IL1RAPL2: variants seen among roughly 807,000 people sequenced by gnomAD.
IL1RAPL2 encodes interleukin 1 receptor accessory protein like 2.
Under a neutral mutation model 44.1 loss-of-function variants are expected in IL1RAPL2, and 3 were observed. That is an observed-to-expected ratio of 0.07 (90% confidence interval 0.03 to 0.18). The LOEUF is 0.18. Among genes scored for constraint, IL1RAPL2 ranks in the 10% least tolerant of loss-of-function variants. IL1RAPL2 has a pLI of 1.00. For synonymous variants in IL1RAPL2, 181 were observed against 178.8 expected, an observed-to-expected ratio of 1.01 and a Z score of -0.10; for missense variants, 391 against 496.4, an observed-to-expected ratio of 0.79 and a Z score of 2.02.
intron 7 of IL1RAPL2, among the ~76,000 whole-genome samples, chrX:105,729,583 G>C (rs2038383118): frequency 9.1e-6 from 1 of 110,327 alleles, no homozygotes; most frequent in African/African-American, 3.3e-5. Flanking sequence ...AGGTTTTTGT[G>C]AATTCCATGT....
chrX:105,595,593 T>G (rs927465683), intron 6 of IL1RAPL2, among the ~76,000 whole-genome samples: 5 of 110,753 alleles, frequency 4.5e-5, no homozygotes, highest in Non-Finnish European at 7.5e-5. Flanking sequence ...TGTAGTGTTT[T>G]TTGTTGTTGT....
At position 104,641,487 on chromosome X, in the gene IL1RAPL2, A is replaced by G. The variant is rs772954702; in HGVS notation, c.-19-17408A>G. Among the ~76,000 whole-genome samples the G allele has an allele frequency of 1.7e-4, 19 of 111,684 alleles. No homozygotes were observed. In the East Asian group the frequency reaches 5.4e-3, roughly 32 times the overall value. On this transcript the variant is annotated intron_variant, in intron 1 of 10. Coordinates refer to ENST00000372582, the MANE Select transcript of IL1RAPL2 (RefSeq NM_017416.2). Reference sequence around the variant, plus strand: ...AGTCCCTGCCACTGGAGAGGGTGGGACTGTCTTTAGTGGCTATAACCTGGG... The same window carrying G: ...AGTCCCTGCCACTGGAGAGGGTGGGGCTGTCTTTAGTGGCTATAACCTGGG...
At chrX:105,624,795 T>C (rs2037442398) in intron 6 of IL1RAPL2, among the ~76,000 whole-genome samples, 1 of 111,797 alleles carries the variant, frequency 8.9e-6, no homozygotes, top group Admixed American at 9.5e-5. Flanking sequence ...ATCTGTGACC[T>C]TAAACAAATA....
chrX:104,905,450 G>A (rs1395883179), intron 2 of IL1RAPL2, among the ~76,000 whole-genome samples: 1 of 111,921 alleles, frequency 8.9e-6, no homozygotes, highest in East Asian at 2.8e-4. Context: ...TAACATTTAA[G>A]TCTTTAATCC....
intron 5 of IL1RAPL2, among the ~76,000 whole-genome samples, chrX:105,353,112 G>T (rs2035170477): frequency 9.0e-6 from 1 of 111,428 alleles, no homozygotes; most frequent in Non-Finnish European, 1.9e-5. Flanking sequence ...TTTTGTATAA[G>T]GTGTAAGGAA....
At chrX:105,316,163 G>T (rs892508681) in intron 5 of IL1RAPL2, among the ~76,000 whole-genome samples, 4 of 110,947 alleles carry the variant, frequency 3.6e-5, no homozygotes, top group African/African-American at 1.3e-4. Context: ...AATCTCAGCT[G>T]CTCAGGAGAC....
At chrX:105,417,336 G>T (rs1252412392) in intron 5 of IL1RAPL2, among the ~76,000 whole-genome samples, 5 of 111,948 alleles carry the variant, frequency 4.5e-5, no homozygotes, top group Non-Finnish European at 9.4e-5. Context: ...AGCTGGGTGT[G>T]GTGGCGTGTG....
intron 2 of IL1RAPL2, among the ~76,000 whole-genome samples, chrX:104,703,565 T>C (rs754358444): frequency 2.0e-4 from 22 of 112,329 alleles, no homozygotes; most frequent in African/African-American, 6.8e-4. Flanking sequence ...AAAAGCCTGT[T>C]CATAAATGTT....
At position 104,810,559 on chromosome X, in the gene IL1RAPL2, G is replaced by T. The variant is rs1932968300; in HGVS notation, c.82+151564G>T. ...GTCATCAATATTCTAGATAGAAGTA[G>T]CTCTGTCAGCTTGAACATGATATGG... On this transcript the variant is annotated intron_variant, in intron 2 of 10. Coordinates refer to ENST00000372582, the MANE Select transcript of IL1RAPL2 (RefSeq NM_017416.2). Among the ~76,000 whole-genome samples, 4 of 111,066 alleles carry T rather than the reference G, an allele frequency of 3.6e-5. No individual in the cohort carries two copies. In the Admixed American group the frequency reaches 3.9e-4, roughly 11 times the overall value.
At chrX:105,092,295 T>C (rs2032553207) in intron 2 of IL1RAPL2, among the ~76,000 whole-genome samples, 1 of 111,678 alleles carries the variant, frequency 9.0e-6, no homozygotes, top group Admixed American at 9.6e-5. Context: ...GAAAGACTCA[T>C]AGAACTTACT....
At chrX:105,145,329 C>T (rs939125411) in intron 2 of IL1RAPL2, among the ~76,000 whole-genome samples, 1 of 111,541 alleles carries the variant, frequency 9.0e-6, no homozygotes, top group African/African-American at 3.3e-5. Context: ...TGAAACTTCT[C>T]AGACCACTTC....
intron 4 of IL1RAPL2, among the ~76,000 whole-genome samples, chrX:105,251,358 A>C (rs1236166057): frequency 9.1e-6 from 1 of 110,351 alleles, no homozygotes; most frequent in Non-Finnish European, 1.9e-5. Flanking sequence ...AGTGTAATAA[A>C]ATTAATCTGT....
At chrX:105,406,505 G>A in intron 5 of IL1RAPL2, 14 of 1,200,273 alleles carry the variant, frequency 1.2e-5, no homozygotes, top group Non-Finnish European at 1.6e-5. Flanking sequence ...CCGATTTTTT[G>A]CTAGCAACTC....
chrX:105,059,054 A>G (rs893690315), intron 2 of IL1RAPL2, among the ~76,000 whole-genome samples: 1 of 112,019 alleles, frequency 8.9e-6, no homozygotes, highest in Non-Finnish European at 1.9e-5. Context: ...TACAATGCAT[A>G]ATAATTCACG....
intron 2 of IL1RAPL2, among the ~76,000 whole-genome samples, chrX:104,904,967 G>A (rs982063551): frequency 9.0e-6 from 1 of 111,067 alleles, no homozygotes; most frequent in Non-Finnish European, 1.9e-5. Context: ...AACACCTGTT[G>A]TTTCCTGACT....
At chrX:105,298,566 T>G (rs1013623869) in intron 5 of IL1RAPL2, among the ~76,000 whole-genome samples, 3 of 110,881 alleles carry the variant, frequency 2.7e-5, no homozygotes, top group African/African-American at 9.8e-5. Context: ...AAATGTCTAT[T>G]TCAGTTTTAA....
chrX:105,733,180 A>G (rs2038418993), intron 7 of IL1RAPL2, among the ~76,000 whole-genome samples: 1 of 111,383 alleles, frequency 9.0e-6, no homozygotes, highest in South Asian at 3.7e-4. Context: ...CACTTTAAAT[A>G]TTTCACCCCA....
chrX:104,822,181 T>C (rs1921322691), intron 2 of IL1RAPL2, among the ~76,000 whole-genome samples: 1 of 111,883 alleles, frequency 8.9e-6, no homozygotes, highest in Non-Finnish European at 1.9e-5. Flanking sequence ...GTAAAAATTT[T>C]CTCCCATTCT....
intron 6 of IL1RAPL2, among the ~76,000 whole-genome samples, chrX:105,675,134 C>T (rs777781398): frequency 5.4e-5 from 6 of 111,076 alleles, no homozygotes; most frequent in Admixed American, 9.7e-5. Flanking sequence ...TCCTCCCTTC[C>T]GATTTGAATA....
Sources: gnomAD v4.1 joint callset for allele counts (sites outside exome capture counted in the v4.1 genomes callset) on GRCh38, gnomAD v4.1.1 for gene constraint, MANE v1.5 for transcripts, NCBI Gene and HGNC (gene_info 2026-07-23, HGNC 2026-07-21) for gene names.